Variants in CLASP2 observed in about 807,000 individuals in gnomAD.
CLASP2 encodes cytoplasmic linker associated protein 2.
A neutral mutation model predicts 194.4 loss-of-function variants in CLASP2; 47 were observed. That is an observed-to-expected ratio of 0.24 (90% CI 0.19 to 0.31). The LOEUF (loss-of-function observed/expected upper bound fraction) is 0.31. Ranked by LOEUF, CLASP2 falls within the 10% of genes least tolerant of loss-of-function variation. The probability of loss-of-function intolerance (pLI) is 1.00; values close to 1 mark genes in which losing one functional copy is unlikely to be tolerated. For synonymous variants in CLASP2, 619 were observed against 633.5 expected (o/e 0.98, Z 0.34); for missense variants, 1,445 against 1,823.6 (o/e 0.79, Z 3.78).
chr3:33,559,325 G>A lies in CLASP2; in HGVS notation c.2991C>T (p.Thr997=). Reference sequence around the variant, plus strand: ...GTTTTACCTTTAAGCTTGGTGTCTGGGTCTGATCAACTGTAAATCTCATTA... The same window carrying A: ...GTTTTACCTTTAAGCTTGGTGTCTGAGTCTGATCAACTGTAAATCTCATTA... The part of the protein sequence containing the change: ...NILMRFTVDQ[T]QTPSLKVKVA... The change falls in exon 29 of 39, where the codon ACC becomes ACT. Residue 997 remains threonine (T), a synonymous_variant. Transcript: ENST00000682230. The A allele has an allele frequency of 6.3e-7, 1 of 1,586,542 alleles. No homozygotes were observed. The highest frequency in any genetic ancestry group is 2.2e-5 in the East Asian group (1 of 44,604).
At chr3:33,522,713 T>C (rs1002291821) in intron 34 of CLASP2, among the ~76,000 whole-genome samples, 4 of 152,102 alleles carry the variant, frequency 2.6e-5, no homozygotes, top group African/African-American at 7.2e-5. Context: ...AGTAAAGAGA[T>C]AGAAAACCTA....
intron 8 of CLASP2, among the ~76,000 whole-genome samples, chr3:33,636,007 G>T (rs1419866347): frequency 6.6e-6 from 1 of 152,146 alleles, no homozygotes; most frequent in Non-Finnish European, 1.5e-5. Flanking sequence ...GTGTAGAAAA[G>T]AATCCTGGTA....
At chr3:33,499,819 T>C (rs889580098) in intron 38 of CLASP2, among the ~76,000 whole-genome samples, 7 of 152,116 alleles carry the variant, frequency 4.6e-5, no homozygotes, top group Non-Finnish European at 1.0e-4. Context: ...AATAACAATA[T>C]AGAATGGTTA....
At chr3:33,550,299 G>A (rs969021822) in intron 30 of CLASP2, among the ~76,000 whole-genome samples, 8 of 149,876 alleles carry the variant, frequency 5.3e-5, no homozygotes, top group African/African-American at 1.7e-4. Flanking sequence ...AGGAGGCTAA[G>A]GCATGAGAAT....
At chr3:33,528,043 A>G (rs2055102981) in intron 34 of CLASP2, among the ~76,000 whole-genome samples, 1 of 152,208 alleles carries the variant, frequency 6.6e-6, no homozygotes, top group South Asian at 2.1e-4. Context: ...AAAATCCTCA[A>G]GAAAATACTG....
At chr3:33,646,535 TAAGA>T (rs1417296632) in intron 7 of CLASP2, among the ~76,000 whole-genome samples, 1 of 151,982 alleles carries the variant, frequency 6.6e-6, no homozygotes, top group East Asian at 1.9e-4. Context: ...AAAATGCAGC[TAAGA>T]AAGAGTAGAC....
Position 33,517,103 on chromosome 3 carries a change from C to T in CLASP2, c.3859G>A (p.Glu1287Lys). ...KELSNHNERV[E>K]ERKIALYELM... ...TCATAGAGGGCAATTTTTCTTTCTT[C>T]TACACGCTCATTATGGTTAGACAGC... Residue 1287 changes from glutamate to lysine, a missense_variant, in exon 35 of 39, where the codon GAA (glutamate) becomes AAA (lysine). This residue lies in a region of CLASP2 where 732 missense variants were observed against 987.9 expected (regional missense o/e 0.74). Transcript: ENST00000682230. The T allele has an allele frequency of 6.2e-7, 1 of 1,613,648 alleles. No homozygotes were observed. Among genetic ancestry groups the T allele is most frequent in the Non-Finnish European group, 8.5e-7 (1 of 1,179,772 alleles).
At chr3:33,577,893 A>G (rs1355080564) in intron 23 of CLASP2, among the ~76,000 whole-genome samples, 1 of 152,218 alleles carries the variant, frequency 6.6e-6, no homozygotes, top group African/African-American at 2.4e-5. Flanking sequence ...GGTCCTCATC[A>G]GACACCAAAT....
intron 36 of CLASP2, among the ~76,000 whole-genome samples, chr3:33,514,119 G>A (rs1208163950): frequency 2.6e-5 from 4 of 151,990 alleles, no homozygotes; most frequent in Non-Finnish European, 5.9e-5. Flanking sequence ...TCCCAAATTG[G>A]TGGGATTACA....
chr3:33,535,335 G>C lies in CLASP2; in HGVS notation c.3685C>G (p.Arg1229Gly), dbSNP rs2057125712. ...SMPTHSSPRS[R>G]DYNPYNYSDS... ...GAATAGTTATATGGATTATAGTCTC[G>C]AGAGCGTGGAGAGGAGTGAGTAGGC... is the stretch of plus-strand genomic sequence containing the variant. Residue 1229 changes from arginine to glycine, a missense_variant, in exon 34 of 39, where the codon CGA (arginine) becomes GGA (glycine). Arg to Gly is a moderately radical substitution (Grantham distance 125). Around this residue, in one of 4 missense-constraint regions of CLASP2, gnomAD observed 732 missense variants for 987.9 expected, o/e 0.74. Coordinates refer to ENST00000682230, the MANE Select transcript of CLASP2 (RefSeq NM_001365631.1). The C allele has an allele frequency of 6.2e-7, 1 of 1,613,634 alleles. No homozygotes were observed. Among genetic ancestry groups the C allele is most frequent in the Admixed American group, 1.7e-5 (1 of 59,978 alleles).
chr3:33,570,619 T>A, intron 26 of CLASP2, 108 bp downstream of exon 26: 1 of 1,311,942 alleles, frequency 7.6e-7, no homozygotes, highest in African/African-American at 1.5e-5. Flanking sequence ...TTGAAAATAT[T>A]ACTGCCATTT....
chr3:33,574,558 G>C (rs1029028292), intron 24 of CLASP2: 2 of 1,038,152 alleles, frequency 1.9e-6, no homozygotes, highest in Non-Finnish European at 2.8e-6. Context: ...TTGCTAATCA[G>C]CACAGTGAAA....
intron 29 of CLASP2, among the ~76,000 whole-genome samples, chr3:33,553,266 T>G (rs1234887424): frequency 6.6e-6 from 1 of 152,154 alleles, no homozygotes; most frequent in Non-Finnish European, 1.5e-5. Context: ...AAAGAAGAGA[T>G]AAAATTACAT....
intron 6 of CLASP2, among the ~76,000 whole-genome samples, chr3:33,664,127 T>TA (rs2085774169): frequency 1.3e-5 from 2 of 152,272 alleles, no homozygotes; most frequent in African/African-American, 4.8e-5. Flanking sequence ...ACATTCATTA[T>TA]AAAAGAAAAT....
At chr3:33,674,168 T>C (rs2088011200) in intron 6 of CLASP2, among the ~76,000 whole-genome samples, 1 of 152,074 alleles carries the variant, frequency 6.6e-6, no homozygotes, top group Non-Finnish European at 1.5e-5. Context: ...CAACACCTAT[T>C]CCAAAATTGA....
chr3:33,597,113 C>T (rs545489012), intron 18 of CLASP2, among the ~76,000 whole-genome samples: 1 of 152,252 alleles, frequency 6.6e-6, no homozygotes, highest in South Asian at 2.1e-4. Context: ...AATATACCCC[C>T]AAATTCCACA....
chr3:33,602,284 G>A (rs2072465169), intron 18 of CLASP2: 1 of 466,088 alleles, frequency 2.1e-6, no homozygotes, highest in Non-Finnish European at 3.8e-6. Context: ...ATACCTTTGA[G>A]TGTCATGTTG....
At chr3:33,664,119 A>G (rs567383023) in intron 6 of CLASP2, among the ~76,000 whole-genome samples, 1 of 152,326 alleles carries the variant, frequency 6.6e-6, no homozygotes, top group Admixed American at 6.5e-5. Flanking sequence ...AGTAATGTAC[A>G]TTCATTATAA....
chr3:33,507,495 T>G (rs2048596666), intron 37 of CLASP2, among the ~76,000 whole-genome samples: 2 of 152,156 alleles, frequency 1.3e-5, no homozygotes, highest in South Asian at 4.1e-4. Context: ...AATTTTTATT[T>G]TTTGGAGACA....
Sources: allele counts gnomAD v4.1 joint callset (sites outside exome capture counted in the v4.1 genomes callset), GRCh38; gene constraint gnomAD v4.1.1; regional missense constraint gnomAD v4.1.1; transcripts MANE v1.5; gene names NCBI Gene and HGNC (gene_info 2026-07-23, HGNC 2026-07-21).